The following PTPN3 variants were observed in gnomAD, a reference collection of about 807,000 sequenced individuals.
PTPN3 encodes the protein protein tyrosine phosphatase non-receptor type 3, also known as tyrosine-protein phosphatase non-receptor type 3.
PTPN3 carries 96 observed loss-of-function variants against 132.7 expected under a neutral mutation model. The ratio of observed to expected loss-of-function variants is 0.72; its 90% CI spans 0.61 to 0.86. The LOEUF (loss-of-function observed/expected upper bound fraction) is 0.86, where lower values mean the gene tolerates loss of function less well. Ranked by LOEUF, PTPN3 falls within the 40% of genes least tolerant of loss-of-function variation. The pLI is 0.00. For missense variants in PTPN3, 1,125 were observed against 1,159.6 expected (o/e 0.97, Z 0.43); for synonymous variants, 398 against 429.0 (o/e 0.93, Z 0.89).
chr9:109,533,388 C>A, the PTPN3 span: 133 of 774,658 alleles, frequency 1.7e-4, no homozygotes, highest in African/African-American at 2.0e-3. Flanking sequence ...CCAGGTGATC[C>A]GCCCGCCTCG....
chr9:109,440,639 A>T (rs1456319540), intron 7 of PTPN3, among the ~76,000 whole-genome samples: 2 of 152,200 alleles, frequency 1.3e-5, no homozygotes, highest in Non-Finnish European at 2.9e-5. Context: ...CCTGATCCTC[A>T]AGGTGGAGTC....
At chr9:109,538,308 T>C in the PTPN3 span, among the ~76,000 whole-genome samples, 5 of 152,376 alleles carry the variant, frequency 3.3e-5, no homozygotes, top group South Asian at 1.0e-3. Context: ...AATTGAATGC[T>C]GTAATCCTTT....
In PTPN3 at chr9:109,391,071, C is replaced by T. The variant is rs374276742; in HGVS notation, c.2106+67G>A. 4.9e-6 allele frequency: 7 copies of T among 1,437,988 alleles called. No individual in the cohort carries two copies. The African/African-American group carries it at 5.6e-5, about 12-fold the overall frequency. The allele number at this position is 1,437,988 out of a possible 1,614,324, so 89.1% of individuals were successfully genotyped here. The stretch of plus-strand genomic sequence containing the variant: ...ACTGTGTCAACTGCAAAGCCCCACA[C>T]AGGCCCTCATCATCGTTGCGACAGT... On this transcript the variant is annotated intron_variant, in intron 21 of 25. Transcript: ENST00000374541.
rs1840029291 is a variant in PTPN3, at chr9:109,390,986, T to C, written c.2106+152A>G. 3 of 689,006 alleles carry C rather than the reference T, an allele frequency of 4.4e-6. No individual in the cohort carries two copies. The Admixed American group carries it at 8.7e-5, about 20-fold the overall frequency. 42.7% of individuals were successfully genotyped at this position (689,006 alleles called of 1,614,324 possible). ...AGTTTTCTCCTCTGTAAAATGAGAC[T>C]ATTCTGCCTGCCCTCCCATGGCTGT... is the stretch of plus-strand genomic sequence containing the variant. On this transcript the variant is annotated intron_variant, in intron 21 of 25. Coordinates refer to ENST00000374541, the MANE Select transcript of PTPN3 (RefSeq NM_002829.4).
At chr9:109,425,206 A>G (rs4978808) in intron 12 of PTPN3, among the ~76,000 whole-genome samples, 76,225 of 152,044 alleles carry the variant, frequency 0.5, 19,416 homozygotes, top group South Asian at 0.73. Flanking sequence ...ATTTAGCACC[A>G]CAAATAGTAT....
intron 1 of PTPN3, among the ~76,000 whole-genome samples, chr9:109,492,518 C>T (rs1847509472): frequency 6.6e-6 from 1 of 152,178 alleles, no homozygotes; most frequent in African/African-American, 2.4e-5. Context: ...AAGTGAGGGA[C>T]CCCTTTTCTA....
At chr9:109,429,467 T>G (rs1389641135) in intron 10 of PTPN3, among the ~76,000 whole-genome samples, 1 of 152,218 alleles carries the variant, frequency 6.6e-6, no homozygotes, top group East Asian at 1.9e-4. Context: ...AGTCCCTACC[T>G]TGTCACACAG....
At chr9:109,492,891 T>C (rs1847524362) in intron 1 of PTPN3, among the ~76,000 whole-genome samples, 1 of 152,246 alleles carries the variant, frequency 6.6e-6, no homozygotes. Flanking sequence ...CTAGTGCCGA[T>C]GGACTTTTTT....
chr9:109,389,483 A>T, intron 21 of PTPN3, 104 bp from the exon 22 acceptor site: 1 of 1,203,272 alleles, frequency 8.3e-7, no homozygotes, highest in African/African-American at 1.5e-5. Flanking sequence ...GCACCAGAAA[A>T]ATTATCTCTT....
At chr9:109,527,442 C>T in the PTPN3 span, among the ~76,000 whole-genome samples, 5 of 151,966 alleles carry the variant, frequency 3.3e-5, no homozygotes, top group South Asian at 2.1e-4. Flanking sequence ...GCTTGGATAA[C>T]GGAGCGAGAC....
intron 1 of PTPN3, among the ~76,000 whole-genome samples, chr9:109,486,874 T>C (rs1021833345): frequency 6.6e-6 from 1 of 152,100 alleles, no homozygotes; most frequent in African/African-American, 2.4e-5. Flanking sequence ...AAGGGGCTTT[T>C]CCCCCTTTTG....
At chr9:109,456,754 C>A (rs1198858685) in intron 4 of PTPN3, among the ~76,000 whole-genome samples, 2 of 152,176 alleles carry the variant, frequency 1.3e-5, no homozygotes, top group African/African-American at 4.8e-5. Flanking sequence ...ATATTGGTGA[C>A]ATTACCTACT....
chr9:109,519,199 A>C, the PTPN3 span, among the ~76,000 whole-genome samples: 1 of 152,256 alleles, frequency 6.6e-6, no homozygotes, highest in Non-Finnish European at 1.5e-5. Flanking sequence ...CAGAAGAAGT[A>C]GTGCAGAGGG....
intron 19 of PTPN3, among the ~76,000 whole-genome samples, chr9:109,393,211 GT>G (rs1199417663): frequency 2.0e-5 from 3 of 152,040 alleles, no homozygotes; most frequent in Non-Finnish European, 4.4e-5. Context: ...ATTTCCCCAT[GT>G]CATTAACTAT....
Position 109,449,986 on chromosome 9 carries a change from C to G in PTPN3, c.369-1131G>C, listed in dbSNP as rs1038544311. 6.1e-6 allele frequency: 6 copies of G among 983,756 alleles called. No homozygotes were observed. The African/African-American group carries it at 1.0e-4, about 17-fold the overall frequency. The allele number at this position is 983,756 out of a possible 1,614,324, so 60.9% of individuals were successfully genotyped here. ...CCTCATAACTCTGTAAGGTAGGTACCACTATCTCCATTTTTACAGATGACA... is the reference window on the plus strand; with the variant it reads ...CCTCATAACTCTGTAAGGTAGGTACGACTATCTCCATTTTTACAGATGACA... On this transcript the variant is annotated intron_variant, in intron 5 of 25. Coordinates refer to ENST00000374541, the MANE Select transcript of PTPN3 (RefSeq NM_002829.4).
chr9:109,526,699 G>T, the PTPN3 span, among the ~76,000 whole-genome samples: 1 of 152,030 alleles, frequency 6.6e-6, no homozygotes, highest in Non-Finnish European at 1.5e-5. Context: ...CAAAATTTAT[G>T]TGAGAGCAAA....
intron 1 of PTPN3, among the ~76,000 whole-genome samples, chr9:109,469,491 C>T (rs1258770042): frequency 1.3e-5 from 2 of 152,164 alleles, no homozygotes; most frequent in Non-Finnish European, 2.9e-5. Flanking sequence ...TGGTGGGGCA[C>T]GCCTGTTATC....
intron 5 of PTPN3, among the ~76,000 whole-genome samples, chr9:109,452,787 C>G (rs1254722337): frequency 6.6e-6 from 1 of 152,186 alleles, no homozygotes; most frequent in Admixed American, 6.5e-5. Context: ...TTTCAAACTC[C>G]TGGCCTCAAG....
At chr9:109,485,408 T>C (rs1486930335) in intron 1 of PTPN3, among the ~76,000 whole-genome samples, 1 of 151,940 alleles carries the variant, frequency 6.6e-6, no homozygotes, top group Non-Finnish European at 1.5e-5. Flanking sequence ...CGCGGGAGGC[T>C]GAGGCAGGAG....
Sources: gnomAD v4.1 joint callset for allele counts (sites outside exome capture counted in the v4.1 genomes callset) on GRCh38, gnomAD v4.1.1 for gene constraint, MANE v1.5 for transcripts, NCBI Gene and HGNC (gene_info 2026-07-23, HGNC 2026-07-21) for gene names.